The following CDH12 variants were observed in gnomAD, a reference collection of about 807,000 sequenced individuals.
CDH12 encodes cadherin-12.
A neutral mutation model predicts 74.1 loss-of-function variants in CDH12; 41 were observed. The ratio of observed to expected loss-of-function variants is 0.55; its 90% CI spans 0.43 to 0.72. CDH12 has a LOEUF of 0.72. CDH12 is among the 30% of genes least tolerant of loss of function. CDH12 has a pLI of 0.00. For missense variants in CDH12, 945 were observed against 977.2 expected (o/e 0.97, Z 0.44); for synonymous variants, 399 against 355.0 (o/e 1.12, Z -1.39).
intron 3 of CDH12, among the ~76,000 whole-genome samples, chr5:22,387,893 C>T (rs1742067750): frequency 6.6e-6 from 1 of 152,182 alleles, no homozygotes; most frequent in South Asian, 2.1e-4. Context: ...CAGACTGTAT[C>T]ATGCTATATA....
At position 21,828,281 on chromosome 5, in the gene CDH12, G is replaced by A. The variant is rs148429319; in HGVS notation, c.815-11149C>T. Among the ~76,000 whole-genome samples, 809 of 152,054 alleles carry A rather than the reference G, an allele frequency of 5.3e-3. 6 individuals carry two copies. The highest frequency in any genetic ancestry group is 0.019 in the African/African-American group (782 of 41,476). On this transcript the variant is annotated intron_variant, in intron 8 of 14. Coordinates refer to ENST00000382254, the MANE Select transcript of CDH12 (RefSeq NM_004061.5). ...GGGGCTACAGTTGCATGCCACCATG[G>A]CCAGCTAATTTTGTATTTTTAGTAA...
intron 9 of CDH12, among the ~76,000 whole-genome samples, chr5:21,811,236 C>T (rs1747728872): frequency 6.6e-6 from 1 of 152,070 alleles, no homozygotes; most frequent in South Asian, 2.1e-4. Context: ...AATAACTTCA[C>T]CACTCTTCAT....
At position 22,772,346 on chromosome 5, in the gene CDH12, A is replaced by C. The variant is rs117649275; in HGVS notation, c.-523+80712T>G. Among the ~76,000 whole-genome samples the C allele has an allele frequency of 7.7e-4, 117 of 152,178 alleles. 1 individual carries two copies. In the East Asian group the frequency reaches 8.9e-3, roughly 12 times the overall value. ...CAAGAAGGTGTCCTATGAAGAAAGA[A>C]TGATGTCGGTTCAAAGAAAAAAGTA... is the stretch of plus-strand genomic sequence containing the variant. On this transcript the variant is annotated intron_variant, in intron 1 of 14. Transcript: ENST00000382254.
chr5:22,723,916 T>C (rs1310125360), intron 1 of CDH12, among the ~76,000 whole-genome samples: 2 of 151,948 alleles, frequency 1.3e-5, no homozygotes, highest in African/African-American at 4.8e-5. Flanking sequence ...ACACAAACAT[T>C]TCACATACTG....
chr5:22,540,771 A>G (rs1295524262), intron 1 of CDH12, among the ~76,000 whole-genome samples: 1 of 152,238 alleles, frequency 6.6e-6, no homozygotes, highest in Non-Finnish European at 1.5e-5. Context: ...AAATTCACTT[A>G]ATAGAAAGAC....
intron 5 of CDH12, among the ~76,000 whole-genome samples, chr5:22,059,332 CT>C (rs1448495945): frequency 6.1e-5 from 9 of 147,300 alleles, no homozygotes; most frequent in Middle Eastern, 6.5e-3. Flanking sequence ...TATCGTCTAT[CT>C]ATCATCTATC....
chr5:22,243,628 C>T (rs973136291), intron 3 of CDH12, among the ~76,000 whole-genome samples: 3 of 152,132 alleles, frequency 2.0e-5, no homozygotes, highest in African/African-American at 4.8e-5. Flanking sequence ...AAATTAGATG[C>T]TTTGGAAACT....
intron 5 of CDH12, among the ~76,000 whole-genome samples, chr5:22,040,483 G>C (rs1388184482): frequency 6.6e-6 from 1 of 152,124 alleles, no homozygotes; most frequent in East Asian, 1.9e-4. Context: ...TCAACCCAAA[G>C]AGGTCTTCAC....
At chr5:22,063,540 C>T (rs1580191080) in intron 5 of CDH12, among the ~76,000 whole-genome samples, 2 of 151,980 alleles carry the variant, frequency 1.3e-5, no homozygotes, top group Non-Finnish European at 2.9e-5. Flanking sequence ...TCCTTTGAGT[C>T]TTAATAGTAA....
intron 2 of CDH12, among the ~76,000 whole-genome samples, chr5:22,425,153 G>GTA (rs1331299083): frequency 0.062 from 5,436 of 87,952 alleles, 387 homozygotes; most frequent in African/African-American, 0.2. Context: ...ATGTGTGTGT[G>GTA]TATATATATA....
intron 14 of CDH12, among the ~76,000 whole-genome samples, chr5:21,752,472 T>TA (rs1744152248): frequency 1.3e-5 from 2 of 152,148 alleles, no homozygotes. Context: ...GTCTTTATAT[T>TA]AAAGTATTTT....
chr5:22,502,833 T>C (rs1736229826), intron 2 of CDH12, among the ~76,000 whole-genome samples: 1 of 152,214 alleles, frequency 6.6e-6, no homozygotes, highest in African/African-American at 2.4e-5. Flanking sequence ...TCTGGATTTA[T>C]CTGCCAGCTA....
intron 3 of CDH12, among the ~76,000 whole-genome samples, chr5:22,387,295 A>T (rs1742041130): frequency 6.6e-6 from 1 of 152,074 alleles, no homozygotes; most frequent in Non-Finnish European, 1.5e-5. Flanking sequence ...AATTTAAAAA[A>T]ATGTAATGTA....
intron 4 of CDH12, among the ~76,000 whole-genome samples, chr5:22,173,731 G>C (rs1561188857): frequency 6.6e-6 from 1 of 151,834 alleles, no homozygotes. Flanking sequence ...CACTGTGATA[G>C]TAAAAGCACA....
At chr5:21,986,705 A>G (rs1223716721) in intron 5 of CDH12, among the ~76,000 whole-genome samples, 2 of 152,176 alleles carry the variant, frequency 1.3e-5, no homozygotes, top group Non-Finnish European at 2.9e-5. Context: ...AGAATACTAT[A>G]TAAATGTATA....
chr5:22,242,424 A>C (rs1024526418), intron 3 of CDH12, among the ~76,000 whole-genome samples: 4 of 152,192 alleles, frequency 2.6e-5, no homozygotes, highest in Non-Finnish European at 5.9e-5. Context: ...AGCAGGAATA[A>C]TAAATTTCAG....
At chr5:22,086,501 G>A (rs1743076493) in intron 4 of CDH12, among the ~76,000 whole-genome samples, 1 of 151,782 alleles carries the variant, frequency 6.6e-6, no homozygotes, top group South Asian at 2.1e-4. Context: ...GTGCCAACAA[G>A]TCCCACTAAT....
intron 3 of CDH12, among the ~76,000 whole-genome samples, chr5:22,351,806 C>T (rs775443990): frequency 7.9e-5 from 12 of 152,034 alleles, no homozygotes; most frequent in South Asian, 2.1e-4. Flanking sequence ...TTTTCTTGTC[C>T]AGCTATTTGA....
chr5:22,474,207 G>A (rs1746078298), intron 2 of CDH12, among the ~76,000 whole-genome samples: 1 of 152,140 alleles, frequency 6.6e-6, no homozygotes, highest in African/African-American at 2.4e-5. Flanking sequence ...GTCAGAGAGT[G>A]AAGTGGCTGC....
Sources: allele counts gnomAD v4.1 joint callset (sites outside exome capture counted in the v4.1 genomes callset), GRCh38; gene constraint gnomAD v4.1.1; transcripts MANE v1.5; gene names NCBI Gene and HGNC (gene_info 2026-07-23, HGNC 2026-07-21).